The following PDGFA variants were observed in gnomAD, a reference collection of about 807,000 sequenced individuals.
PDGFA encodes the protein platelet-derived growth factor subunit A.
A neutral mutation model predicts 25.6 loss-of-function variants in PDGFA; 9 were observed. That is an observed-to-expected ratio of 0.35 (90% CI 0.21 to 0.61). The LOEUF is 0.61. Among genes scored for constraint, PDGFA ranks in the 20% least tolerant of loss-of-function variants. PDGFA has a pLI of 0.75. For synonymous variants in PDGFA, 133 were observed against 111.8 expected, an observed-to-expected ratio of 1.19 and a Z score of -1.20; for missense variants, 242 against 272.8, an observed-to-expected ratio of 0.89 and a Z score of 0.79.
chr7:500,591 C>A lies in PDGFA; in HGVS notation c.580+525G>T. ...ACAAATACCTACGGCATTTGTTTAT[C>A]TTTCCAGAAGAGAAGGCCAGCACCC... On this transcript the variant is annotated intron_variant, in intron 5 of 5. Coordinates refer to ENST00000402802, the Ensembl canonical transcript of PDGFA. This position sits in a 1 kb window ranked among gnomAD's most constrained non-coding sequence, Gnocchi z 5.0. 1.3e-6 allele frequency: 2 copies of A among 1,598,758 alleles called. No homozygotes were observed. The highest frequency in any genetic ancestry group is 1.7e-6 in the Non-Finnish European group (2 of 1,173,876).
chr7:515,475 G>T (rs1783047475), intron 2 of PDGFA, among the ~76,000 whole-genome samples: 1 of 152,316 alleles, frequency 6.6e-6, no homozygotes, highest in African/African-American at 2.4e-5. Flanking sequence ...GGTTTCTCTG[G>T]TTCTGTTTTC....
intron 4 of PDGFA, among the ~76,000 whole-genome samples, chr7:508,139 T>A (rs1325209987): frequency 6.6e-6 from 1 of 152,070 alleles, no homozygotes; most frequent in Non-Finnish European, 1.5e-5. Flanking sequence ...GGCTGCAAAG[T>A]CCTTCCCGGA....
intron 4 of PDGFA, among the ~76,000 whole-genome samples, chr7:503,958 C>A (rs1210680716): frequency 6.6e-6 from 1 of 152,176 alleles, no homozygotes; most frequent in East Asian, 1.9e-4. Flanking sequence ...AGATCAGCCT[C>A]CACACTCCCG....
chr7:501,044 A>G (rs1242320559), intron 5 of PDGFA, 72 bp downstream of exon 5: 1 of 1,612,980 alleles, frequency 6.2e-7, no homozygotes, highest in Non-Finnish European at 8.5e-7. Context: ...CAAGGGGGCC[A>G]CCTAACACCC....
intron 4 of PDGFA, 60 bp from the exon 5 acceptor site, chr7:501,302 G>A (rs1173307259): frequency 1.4e-5 from 22 of 1,604,724 alleles, no homozygotes; most frequent in South Asian, 1.2e-4. Context: ...ACATCACGAC[G>A]TGCTGGGAGC....
Position 500,354 on chromosome 7 carries a change from G to T in PDGFA, c.580+762C>A. ...CCCGCCGCACCCGGCGAGACAGGAA[G>T]CGTGATTTGCTGGTGTGATCAGTCA... On this transcript the variant is annotated intron_variant, in intron 5 of 5. Transcript: ENST00000402802. This position sits in a 1 kb window ranked among gnomAD's most constrained non-coding sequence, Gnocchi z 5.0. 1 of 1,498,440 alleles carries T rather than the reference G, an allele frequency of 6.7e-7. No individual in the cohort carries two copies. Among genetic ancestry groups the T allele is most frequent in the Non-Finnish European group, 9.3e-7 (1 of 1,076,336 alleles). 92.8% of individuals were successfully genotyped at this position (1,498,440 alleles called of 1,614,324 possible).
chr7:497,959 C>CAAAAAAAAAAAAAAAAAA (rs1166606050), exon 6 of PDGFA: 5 of 56,702 alleles, frequency 8.8e-5, no homozygotes, highest in African/African-American at 1.5e-4. Flanking sequence ...AAAAAAAAAA[C>CAAAAAAAAAAAAAAAAAA]AAAAAAAAAA....
chr7:501,938 A>G (rs1782358924), intron 4 of PDGFA, among the ~76,000 whole-genome samples: 1 of 152,174 alleles, frequency 6.6e-6, no homozygotes, highest in South Asian at 2.1e-4. Flanking sequence ...ACATTTTAAA[A>G]GCCAGGCTGA....
intron 4 of PDGFA, 118 bp downstream of exon 4, chr7:510,691 G>GC: frequency 4.2e-6 from 2 of 480,592 alleles, no homozygotes; most frequent in Non-Finnish European, 7.3e-6. Context: ...GGTAGGGGCG[G>GC]CCCCGGGCTT....
In PDGFA at chr7:517,323, G is replaced by A. The variant is rs1360686499; in HGVS notation, c.160+71C>T. Reference sequence around the variant, plus strand: ...GCGCTCCTGCGCGGCGCCCCGCCCGGCCCCAGCTCGGGGCGCACAGGCCGC... The same window carrying A: ...GCGCTCCTGCGCGGCGCCCCGCCCGACCCCAGCTCGGGGCGCACAGGCCGC... On this transcript the variant is annotated intron_variant, in intron 2 of 5. Coordinates refer to ENST00000402802, the Ensembl canonical transcript of PDGFA. This position sits in a 1 kb window ranked among gnomAD's most constrained non-coding sequence, Gnocchi z 7.4. The A allele has an allele frequency of 1.3e-4, 75 of 593,740 alleles. No homozygotes were observed. The East Asian group carries it at 2.7e-3, about 21-fold the overall frequency. The allele number at this position is 593,740 out of a possible 1,614,324, so 36.8% of individuals were successfully genotyped here.
chr7:497,869 TAAAAAAAAAAAA>T (rs377428492), exon 6 of PDGFA: 6 of 24,982 alleles, frequency 2.4e-4, no homozygotes, highest in Admixed American at 1.3e-3. Flanking sequence ...AAGAGATAAT[TAAAAAAAAAAAA>T]AAAAAAAAAA....
At chr7:513,889 C>G (rs1340374375) in intron 2 of PDGFA, among the ~76,000 whole-genome samples, 1 of 152,242 alleles carries the variant, frequency 6.6e-6, no homozygotes, top group African/African-American at 2.4e-5. Flanking sequence ...GTTCCAATGA[C>G]ACTAATTTTT....
At position 517,357 on chromosome 7, in the gene PDGFA, G is replaced by A. The variant is rs898702547; in HGVS notation, c.160+37C>T. On this transcript the variant is annotated intron_variant, in intron 2 of 5. Coordinates refer to ENST00000402802, the Ensembl canonical transcript of PDGFA. This position sits in a 1 kb window ranked among gnomAD's most constrained non-coding sequence, Gnocchi z 7.4. ...CGGGGCGCACAGGCCGCCCGCCCGC[G>A]CCCTCCCCGCGCGCGGAGGGAAGGG... 17 of 1,093,782 alleles carry A rather than the reference G, an allele frequency of 1.6e-5. No homozygotes were observed. The highest frequency in any genetic ancestry group is 3.9e-5 in the East Asian group (1 of 25,844). The allele number at this position is 1,093,782 out of a possible 1,614,324, so 67.8% of individuals were successfully genotyped here.
chr7:511,778 G>A (rs1782861642), intron 3 of PDGFA, among the ~76,000 whole-genome samples: 1 of 152,084 alleles, frequency 6.6e-6, no homozygotes, highest in African/African-American at 2.4e-5. Flanking sequence ...TTCCTCCTCA[G>A]GGGGCTGGAG....
exon 1 of PDGFA, chr7:519,101 G>A (rs1407809347): frequency 1.1e-6 from 1 of 870,696 alleles, no homozygotes; most frequent in Non-Finnish European, 1.7e-6. Context: ...CATCCCTTAG[G>A]GAGCGCGGCC....
At chr7:499,635 C>A (rs544050412) in intron 5 of PDGFA, among the ~76,000 whole-genome samples, 4 of 136,568 alleles carry the variant, frequency 2.9e-5, no homozygotes, top group African/African-American at 1.1e-4. Flanking sequence ...AGCTCCCTTG[C>A]AGTGGAGGGA....
At chr7:514,092 A>C (rs985391179) in intron 2 of PDGFA, among the ~76,000 whole-genome samples, 9 of 152,244 alleles carry the variant, frequency 5.9e-5, no homozygotes, top group Non-Finnish European at 1.3e-4. Context: ...AAATTCAATA[A>C]CACCAGCTCC....
Position 517,450 on chromosome 7 carries a change from C to A in PDGFA, c.104G>T (p.Arg35Leu). 1 of 1,382,620 alleles carries A rather than the reference C, an allele frequency of 7.2e-7. No homozygotes were observed. The highest frequency in any genetic ancestry group is 1.5e-5 in the African/African-American group (1 of 66,196). The allele number at this position is 1,382,620 out of a possible 1,614,324, so 85.6% of individuals were successfully genotyped here. The change falls in exon 2 of 6, where the codon CGC becomes CTC. Residue 35 changes from arginine to leucine, a missense_variant. Arg to Leu is a moderately radical substitution (Grantham distance 102, BLOSUM62 -2). This residue lies in a region of PDGFA where 113 missense variants were observed against 98.3 expected (regional missense o/e 1.15). Transcript: ENST00000402802. The surrounding 1 kb of genome is among the most constrained non-coding windows in gnomAD (Gnocchi z 7.4). ...GTCCCGGATGCTGTGGATCTGACTGCGGGCCAGCCTCTCGATCACCTCGCG... is the reference window on the plus strand; with the variant it reads ...GTCCCGGATGCTGTGGATCTGACTGAGGGCCAGCCTCTCGATCACCTCGCG...
intron 4 of PDGFA, 137 bp from the exon 5 acceptor site, chr7:501,379 G>T (rs773825172): frequency 8.7e-6 from 9 of 1,033,462 alleles, no homozygotes; most frequent in Non-Finnish European, 1.3e-5. Flanking sequence ...ACACTACCTT[G>T]TGGTGGGGAG....
Sources: allele counts gnomAD v4.1 joint callset (sites outside exome capture counted in the v4.1 genomes callset), GRCh38; gene constraint gnomAD v4.1.1; regional missense constraint gnomAD v4.1.1; non-coding constraint Gnocchi (gnomAD v3.1); transcripts MANE v1.5; gene names NCBI Gene and HGNC (gene_info 2026-07-23, HGNC 2026-07-21).